Variants in SOX6 observed in about 807,000 individuals in gnomAD.
SOX6 encodes transcription factor SOX-6.
A neutral mutation model predicts 97.8 loss-of-function variants in SOX6; 11 were observed. The observed-to-expected ratio is 0.11, with a 90% CI of 0.07 to 0.19. The LOEUF is 0.19. SOX6 is among the 10% of genes least tolerant of loss of function. The pLI is 1.00. For synonymous variants in SOX6, 360 were observed against 371.4 expected, an observed-to-expected ratio of 0.97 and a Z score of 0.35; for missense variants, 810 against 1,039.5, an observed-to-expected ratio of 0.78 and a Z score of 3.04.
intron 2 of SOX6, among the ~76,000 whole-genome samples, chr11:16,728,588 A>T (rs1454204519): frequency 2.0e-5 from 3 of 152,220 alleles, no homozygotes; most frequent in Non-Finnish European, 4.4e-5. Context: ...CACCAACATC[A>T]AAGACAAAAG....
intron 4 of SOX6, among the ~76,000 whole-genome samples, chr11:16,601,186 AC>A (rs1848264644): frequency 6.6e-6 from 1 of 152,174 alleles, no homozygotes; most frequent in Non-Finnish European, 1.5e-5. Context: ...AATCTCATAT[AC>A]CTACATAACT....
chr11:16,377,923 T>C (rs1028956879), intron 1 of SOX6, among the ~76,000 whole-genome samples: 1 of 152,168 alleles, frequency 6.6e-6, no homozygotes, highest in Non-Finnish European at 1.5e-5. Context: ...TTTCAAACTG[T>C]TGGGCGGAGC....
intron 3 of SOX6, among the ~76,000 whole-genome samples, chr11:16,297,135 T>G (rs891797304): frequency 3.9e-5 from 6 of 152,146 alleles, no homozygotes; most frequent in Non-Finnish European, 8.8e-5. Context: ...CAAAATAACA[T>G]TTAATTAACT....
Position 16,318,477 on chromosome 11 carries a change from C to T in SOX6, c.414G>A (p.Lys138=). 3.1e-6 allele frequency: 5 copies of T among 1,613,306 alleles called. No homozygotes were observed. Among genetic ancestry groups the T allele is most frequent in the Non-Finnish European group, 4.2e-6 (5 of 1,179,674 alleles). Residue 138 remains lysine (K), a synonymous_variant, in exon 3 of 16, where the codon AAG becomes AAA. Coordinates refer to ENST00000683767, the MANE Select transcript of SOX6 (RefSeq NM_001367873.1). The stretch of plus-strand genomic sequence containing the variant: ...GTTCAGTCCGAGTCATTTCCTCAAG[C>T]TTCTTCTGTTTCAGTGTGTCCACCA... The part of the protein sequence containing the change: ...ADVVDTLKQK[K]LEEMTRTEQE...
At chr11:16,601,948 G>A (rs1405617113) in intron 4 of SOX6, among the ~76,000 whole-genome samples, 1 of 151,996 alleles carries the variant, frequency 6.6e-6, no homozygotes, top group Non-Finnish European at 1.5e-5. Context: ...GTTGTTTTCT[G>A]CTACTACTGA....
chr11:16,561,254 T>G (rs985210153), intron 4 of SOX6, among the ~76,000 whole-genome samples: 3 of 152,086 alleles, frequency 2.0e-5, no homozygotes, highest in African/African-American at 7.2e-5. Context: ...CTATCTACCC[T>G]CCTGATGGAG....
chr11:16,729,075 A>T (rs1848329108), intron 2 of SOX6, among the ~76,000 whole-genome samples: 1 of 152,166 alleles, frequency 6.6e-6, no homozygotes, highest in South Asian at 2.1e-4. Context: ...GAAATATGGG[A>T]CTATGTGAAA....
intron 3 of SOX6, among the ~76,000 whole-genome samples, chr11:16,706,147 T>C (rs949124977): frequency 7.9e-5 from 12 of 151,668 alleles, no homozygotes; most frequent in African/African-American, 2.7e-4. Context: ...CTATAAGATA[T>C]TGTGAGAGGA....
chr11:16,650,949 A>G (rs1230948089), intron 3 of SOX6, among the ~76,000 whole-genome samples: 3 of 152,170 alleles, frequency 2.0e-5, no homozygotes, highest in African/African-American at 7.2e-5. Flanking sequence ...AGATATTACA[A>G]CCAATATCAA....
rs183535019 is a variant in SOX6 at position 16,613,977 on chromosome 11, C to G, written n.430-1717G>C. On this transcript the variant is annotated intron_variant and non_coding_transcript_variant, in intron 3 of 5. Transcript: ENST00000524520. This position sits in a 1 kb window ranked among gnomAD's most constrained non-coding sequence, Gnocchi z 4.6. Reference sequence around the variant, plus strand: ...CGGGCGGGCGGGCCACGCTAGGCGCCGTCTGCCCTCAGAGACTCGGGCTGA... The same window carrying G: ...CGGGCGGGCGGGCCACGCTAGGCGCGGTCTGCCCTCAGAGACTCGGGCTGA... 5.4e-3 allele frequency among the ~76,000 whole-genome samples: 829 copies of G among 152,284 alleles called. 16 individuals are homozygous for G. Among genetic ancestry groups the G allele is most frequent in the African/African-American group, 0.019 (796 of 41,562 alleles).
At chr11:16,442,865 GA>G (rs1020576628) in intron 1 of SOX6, among the ~76,000 whole-genome samples, 12 of 152,032 alleles carry the variant, frequency 7.9e-5, no homozygotes, top group Admixed American at 6.6e-5. Context: ...TAATTCCCTA[GA>G]AAAATACGTA....
At chr11:16,064,096 C>G (rs1848032524) in intron 9 of SOX6, among the ~76,000 whole-genome samples, 1 of 151,754 alleles carries the variant, frequency 6.6e-6, no homozygotes. Flanking sequence ...CACCACCAGT[C>G]ACCTTGAAGG....
intron 1 of SOX6, among the ~76,000 whole-genome samples, chr11:16,432,526 A>T (rs1205804291): frequency 6.6e-6 from 1 of 152,128 alleles, no homozygotes; most frequent in East Asian, 1.9e-4. Context: ...GTATCCAATG[A>T]TACAAATTGC....
At chr11:15,977,570 T>C (rs1003129784) in intron 15 of SOX6, among the ~76,000 whole-genome samples, 3 of 151,824 alleles carry the variant, frequency 2.0e-5, no homozygotes, top group Admixed American at 6.6e-5. Context: ...CCATGGTTAC[T>C]CACTCCCTTG....
chr11:16,046,838 G>T, intron 11 of SOX6, 137 bp from the exon 12 acceptor site: 1 of 896,458 alleles, frequency 1.1e-6, no homozygotes. Flanking sequence ...TAAACTATAC[G>T]CTAATATACA....
At chr11:16,692,109 T>A (rs2134036543) in intron 3 of SOX6, among the ~76,000 whole-genome samples, 2 of 151,580 alleles carry the variant, frequency 1.3e-5, no homozygotes, top group South Asian at 4.2e-4. Flanking sequence ...GCTTTCTGAG[T>A]CTTGCTCTGT....
At chr11:16,258,060 T>C (rs1853749826) in intron 3 of SOX6, among the ~76,000 whole-genome samples, 1 of 151,954 alleles carries the variant, frequency 6.6e-6, no homozygotes, top group Admixed American at 6.6e-5. Context: ...ATACTGATAA[T>C]ACCAAATGCT....
intron 9 of SOX6, among the ~76,000 whole-genome samples, chr11:16,082,635 C>T (rs558760635): frequency 1.8e-4 from 28 of 152,284 alleles, no homozygotes; most frequent in African/African-American, 6.5e-4. Context: ...TCATTTGCCA[C>T]AGGGTACCAT....
chr11:16,705,996 T>C (rs146997046), intron 3 of SOX6, among the ~76,000 whole-genome samples: 6 of 152,086 alleles, frequency 3.9e-5, no homozygotes, highest in African/African-American at 1.4e-4. Context: ...GTAATTACAC[T>C]AGCTATAAGT....
Sources: gnomAD v4.1 joint callset for allele counts (sites outside exome capture counted in the v4.1 genomes callset) on GRCh38, gnomAD v4.1.1 for gene constraint, Gnocchi (gnomAD v3.1) non-coding constraint, MANE v1.5 for transcripts, NCBI Gene and HGNC (gene_info 2026-07-23, HGNC 2026-07-21) for gene names.